Variants in ITCH observed in about 807,000 individuals in gnomAD.
ITCH encodes the protein E3 ubiquitin-protein ligase Itchy homolog.
ITCH carries 28 observed loss-of-function variants against 126.8 expected under a neutral mutation model. That is an observed-to-expected ratio of 0.22 (90% CI 0.16 to 0.30). The LOEUF is 0.30. Ranked by LOEUF, ITCH falls within the 10% of genes least tolerant of loss-of-function variation. The pLI is 1.00. For synonymous variants in ITCH, 342 were observed against 340.0 expected (o/e 1.01, Z -0.06); for missense variants, 631 against 1,032.4 (o/e 0.61, Z 5.33).
Position 34,508,148 on chromosome 20 carries a change from G to C in ITCH, c.*354G>C. ...CTTTTAGACATTCTGCAGACATGCAGGGAAGTCCTTTGGTAACTGCAATAT... is the reference window on the plus strand; with the variant it reads ...CTTTTAGACATTCTGCAGACATGCACGGAAGTCCTTTGGTAACTGCAATAT... On this transcript the variant is annotated 3_prime_UTR_variant, in exon 25 of 25. Transcript: ENST00000374864. The C allele has an allele frequency of 3.3e-6, 1 of 303,252 alleles. No homozygotes were observed. Among genetic ancestry groups the C allele is most frequent in the Non-Finnish European group, 6.5e-6 (1 of 154,840 alleles). 18.8% of individuals were successfully genotyped at this position (303,252 alleles called of 1,614,324 possible). A position where few individuals can be genotyped will look rare whatever the true frequency, so the allele number is the denominator to read the frequency against.
intron 20 of ITCH, among the ~76,000 whole-genome samples, chr20:34,483,439 A>G (rs1988898603): frequency 6.6e-6 from 1 of 152,114 alleles, no homozygotes; most frequent in African/African-American, 2.4e-5. Context: ...AGATACCCTA[A>G]ATCATCTCTC....
intron 7 of ITCH, among the ~76,000 whole-genome samples, chr20:34,431,520 A>G (rs908598629): frequency 6.6e-6 from 1 of 152,158 alleles, no homozygotes; most frequent in Non-Finnish European, 1.5e-5. Flanking sequence ...TAAAGAGTAG[A>G]GATTGATTTG....
intron 2 of ITCH, among the ~76,000 whole-genome samples, chr20:34,386,078 C>G (rs1443817731): frequency 1.3e-5 from 2 of 151,824 alleles, no homozygotes; most frequent in Non-Finnish European, 2.9e-5. Context: ...AGCCCATGCA[C>G]CAAAGTCGGC....
At chr20:34,492,084 T>G (rs1326766743) in intron 22 of ITCH, among the ~76,000 whole-genome samples, 3 of 152,208 alleles carry the variant, frequency 2.0e-5, no homozygotes, top group Non-Finnish European at 4.4e-5. Flanking sequence ...GCTCTTGGTC[T>G]CAGTCCATCT....
intron 3 of ITCH, among the ~76,000 whole-genome samples, chr20:34,401,288 T>C (rs2038875747): frequency 6.6e-6 from 1 of 151,942 alleles, no homozygotes; most frequent in African/African-American, 2.4e-5. Flanking sequence ...TCTTTTTTTC[T>C]TTTTTTTGAC....
At chr20:34,364,724 C>CAAAAAA (rs1171765663) in intron 1 of ITCH, among the ~76,000 whole-genome samples, 5 of 45,568 alleles carry the variant, frequency 1.1e-4, no homozygotes, top group Admixed American at 6.5e-4. Context: ...ACTAAAAATA[C>CAAAAAA]AAAAAAAAAA....
intron 10 of ITCH, among the ~76,000 whole-genome samples, chr20:34,443,911 A>C (rs918765420): frequency 1.3e-5 from 2 of 152,126 alleles, no homozygotes; most frequent in African/African-American, 4.8e-5. Flanking sequence ...TGTTGAGCCC[A>C]GGAGTTCAAG....
At chr20:34,377,068 C>T (rs1254092241) in intron 2 of ITCH, among the ~76,000 whole-genome samples, 3 of 152,028 alleles carry the variant, frequency 2.0e-5, no homozygotes, top group African/African-American at 7.2e-5. Context: ...CCAGCTTGCA[C>T]AAGTAGAATA....
At chr20:34,499,735 G>A (rs78478551) in intron 23 of ITCH, among the ~76,000 whole-genome samples, 1 of 151,372 alleles carries the variant, frequency 6.6e-6, no homozygotes, top group African/African-American at 2.4e-5. Flanking sequence ...AGTAATTTTG[G>A]GTTTGCTTTG....
chr20:34,477,610 A>G (rs1006175022), intron 16 of ITCH, among the ~76,000 whole-genome samples, 162 bp from the exon 17 acceptor site: 3 of 152,214 alleles, frequency 2.0e-5, no homozygotes, highest in Non-Finnish European at 4.4e-5. Context: ...AAACGTTACT[A>G]TAATGTATTT....
intron 14 of ITCH, among the ~76,000 whole-genome samples, chr20:34,462,501 T>C (rs1600401200): frequency 6.6e-6 from 1 of 152,228 alleles, no homozygotes; most frequent in Non-Finnish European, 1.5e-5. Context: ...TTTCTGATTT[T>C]CAGCTTCTTT....
At chr20:34,494,977 C>T (rs905416174) in intron 23 of ITCH, among the ~76,000 whole-genome samples, 3 of 143,930 alleles carry the variant, frequency 2.1e-5, no homozygotes, top group Admixed American at 6.9e-5. Context: ...ATACACTGGG[C>T]GCGGTGGCTC....
Position 34,438,514 on chromosome 20 carries a change from G to A in ITCH, c.562G>A (p.Ala188Thr), listed in dbSNP as rs759393619. Reference sequence around the variant, plus strand: ...ATCAGATGACCCTGAAGATGCAGGAGCTGGTGAAAATAGGAGAGTCAGTGG... The same window carrying A: ...ATCAGATGACCCTGAAGATGCAGGAACTGGTGAAAATAGGAGAGTCAGTGG... ...NGSDDPEDAG[A>T]GENRRVSGNN... The change falls in exon 8 of 25, where the codon GCT becomes ACT. Residue 188 changes from alanine (A) to threonine (T), a missense_variant. Physicochemically the swap from Ala to Thr is moderately conservative, Grantham distance 58 (BLOSUM62 0). Around this residue, in one of 4 missense-constraint regions of ITCH, gnomAD observed 220 missense variants for 265.7 expected, o/e 0.83. Coordinates refer to ENST00000374864, the MANE Select transcript of ITCH (RefSeq NM_031483.7). The A allele has an allele frequency of 1.9e-6, 3 of 1,614,032 alleles. No homozygotes were observed. The Admixed American group carries it at 5.0e-5, about 27-fold the overall frequency.
At chr20:34,480,246 A>G (rs1229297450) in intron 18 of ITCH, among the ~76,000 whole-genome samples, 4 of 151,830 alleles carry the variant, frequency 2.6e-5, no homozygotes, top group African/African-American at 9.7e-5. Context: ...TGCCCAGGCT[A>G]GAGTGCAATG....
chr20:34,485,574 G>A (rs1419095606), intron 20 of ITCH, among the ~76,000 whole-genome samples: 1 of 152,126 alleles, frequency 6.6e-6, no homozygotes, highest in Non-Finnish European at 1.5e-5. Flanking sequence ...AAATTGGGTT[G>A]TCTTTTTATT....
intron 2 of ITCH, among the ~76,000 whole-genome samples, chr20:34,386,291 A>G (rs955415147): frequency 2.6e-5 from 4 of 152,054 alleles, no homozygotes; most frequent in Non-Finnish European, 5.9e-5. Context: ...TTAGCAGAGA[A>G]TGGGATCTAA....
chr20:34,461,422 A>G (rs1403748408), intron 13 of ITCH, among the ~76,000 whole-genome samples: 1 of 152,160 alleles, frequency 6.6e-6, no homozygotes, highest in Non-Finnish European at 1.5e-5. Flanking sequence ...CAAAAAATGC[A>G]GAAGATGGCT....
At chr20:34,417,462 C>T (rs183421163) in intron 6 of ITCH, among the ~76,000 whole-genome samples, 29 of 146,958 alleles carry the variant, frequency 2.0e-4, no homozygotes, top group South Asian at 6.5e-4. Context: ...TGCAATGGCA[C>T]GATCTCGGCT....
At chr20:34,408,272 C>T (rs1162351701) in intron 3 of ITCH, among the ~76,000 whole-genome samples, 1 of 152,160 alleles carries the variant, frequency 6.6e-6, no homozygotes, top group African/African-American at 2.4e-5. Flanking sequence ...TGAGGTCTCG[C>T]TATGTTTTCC....
Sources: allele counts gnomAD v4.1 joint callset (sites outside exome capture counted in the v4.1 genomes callset), GRCh38; gene constraint gnomAD v4.1.1; regional missense constraint gnomAD v4.1.1; transcripts MANE v1.5; gene names NCBI Gene and HGNC (gene_info 2026-07-23, HGNC 2026-07-21).